SLC5A4: variants seen among roughly 807,000 people sequenced by gnomAD.
The protein encoded by SLC5A4 is solute carrier family 5 member 4.
SLC5A4 carries 55 observed loss-of-function variants against 70.3 expected under a neutral mutation model. That is an observed-to-expected ratio of 0.78 (90% confidence interval 0.63 to 0.98). The LOEUF is 0.98. SLC5A4 is among the 50% of genes least tolerant of loss of function. The pLI, the probability that SLC5A4 is intolerant of heterozygous loss-of-function variation, is 0.00. For missense variants in SLC5A4, 735 were observed against 839.2 expected (o/e 0.88, Z 1.53); for synonymous variants, 268 against 305.7 (o/e 0.88, Z 1.29).
rs2235171 is a variant in SLC5A4 at position 32,254,213 on chromosome 22, C to T, written c.136G>A (p.Ala46Thr). 71,976 of 1,611,960 alleles carry T rather than the reference C, an allele frequency of 0.045. 2,331 individuals are homozygous for T. Among genetic ancestry groups the T allele is most frequent in the African/African-American group, 0.17 (12,475 of 74,890 alleles). Reference sequence around the variant, plus strand: ...GTACCTCGGTTGGTCTTCAGCATCGCCTGAGCAGAAGGGAAGACAGGTGAG... The same window carrying T: ...GTACCTCGGTTGGTCTTCAGCATCGTCTGAGCAGAAGGGAAGACAGGTGAG... ...FLVVMAVGLWAMLKTNRGTIG... is the reference protein window; with the variant it reads ...FLVVMAVGLWTMLKTNRGTIG... The change falls in exon 2 of 15, where the codon GCG becomes ACG. Residue 46 changes from alanine to threonine, a missense_variant and splice_region_variant. Ala to Thr is a moderately conservative substitution (Grantham distance 58, BLOSUM62 0). Transcript: ENST00000266086.
chr22:32,279,295 A>G, the SLC5A4 span, among the ~76,000 whole-genome samples: 3 of 152,226 alleles, frequency 2.0e-5, no homozygotes, highest in Non-Finnish European at 4.4e-5. Flanking sequence ...AAACAAAAAC[A>G]AACAACCAAA....
At chr22:32,272,553 C>G in the SLC5A4 span, 1 of 654,232 alleles carries the variant, frequency 1.5e-6, no homozygotes, top group Non-Finnish European at 2.8e-6. Flanking sequence ...TGCCAAGACC[C>G]TGGAGGTGTA....
In SLC5A4 at chr22:32,254,195, G is replaced by A. The variant is rs180913180; in HGVS notation, c.154C>T (p.Arg52Ter). 12 of 1,613,852 alleles carry A rather than the reference G, an allele frequency of 7.4e-6. No homozygotes were observed. The highest frequency in any genetic ancestry group is 1.6e-4 in the Middle Eastern group (1 of 6,062). ...AGGAAGAAGCCTCCTATAGTACCTC[G>A]GTTGGTCTTCAGCATCGCCTGAGCA... The part of the protein sequence containing the change: ...VGLWAMLKTN[R>*]GTIGGFFLAG... Residue 52 changes from arginine to a stop codon, truncating the protein, a stop_gained, in exon 2 of 15, where the codon CGA becomes TGA. Transcript: ENST00000266086. LOFTEE classifies it high-confidence loss of function.
At chr22:32,224,137 G>C in intron 13 of SLC5A4, 130 bp downstream of exon 13, 1 of 670,412 alleles carries the variant, frequency 1.5e-6, no homozygotes, top group South Asian at 1.8e-5. Context: ...AACCAGGATG[G>C]TCTCCATCTC....
chr22:32,237,263 A>T lies in SLC5A4; in HGVS notation c.645T>A (p.Ser215=), dbSNP rs1164832425. 6.2e-7 allele frequency: 1 copy of T among 1,609,714 alleles called. No individual in the cohort carries two copies. Residue 215 remains serine, a synonymous_variant, in exon 7 of 15, where the codon TCT becomes TCA. Coordinates refer to ENST00000266086, the MANE Select transcript of SLC5A4 (RefSeq NM_014227.3). ...ACTTACCAAACCCCATGAGAATAAA[A>T]GAGCCAATCAGCATGATGATGGTCT... ...TLQTIIMLIG[S]FILMGFAFNE... is the part of the protein sequence containing the mutation.
chr22:32,277,461 G>C, the SLC5A4 span, among the ~76,000 whole-genome samples: 1 of 152,122 alleles, frequency 6.6e-6, no homozygotes, highest in Non-Finnish European at 1.5e-5. Flanking sequence ...CACTAATAAA[G>C]GGGGAAAACT....
the SLC5A4 span, among the ~76,000 whole-genome samples, chr22:32,304,042 CAT>C: frequency 1.3e-5 from 2 of 152,200 alleles, no homozygotes; most frequent in South Asian, 4.1e-4. Context: ...TTTCTGATGA[CAT>C]ATGAGATGGA....
chr22:32,298,166 A>G, the SLC5A4 span, among the ~76,000 whole-genome samples: 5 of 147,648 alleles, frequency 3.4e-5, no homozygotes, highest in Non-Finnish European at 6.0e-5. Context: ...GATGTCTGCT[A>G]GGTCCGCTTG....
the SLC5A4 span, among the ~76,000 whole-genome samples, chr22:32,290,700 A>C: frequency 3.0e-4 from 46 of 152,172 alleles, 2 homozygotes; most frequent in South Asian, 7.7e-3. Context: ...GGGTGTGCAG[A>C]AGACTCGCTC....
At chr22:32,283,975 G>T in the SLC5A4 span, among the ~76,000 whole-genome samples, 1 of 152,138 alleles carries the variant, frequency 6.6e-6, no homozygotes, top group South Asian at 2.1e-4. Flanking sequence ...TTTTTACAAA[G>T]AATTGTCAAA....
chr22:32,230,298 A>C (rs1309281352), intron 10 of SLC5A4, among the ~76,000 whole-genome samples: 1 of 152,200 alleles, frequency 6.6e-6, no homozygotes, highest in African/African-American at 2.4e-5. Context: ...CACCTGGTCA[A>C]GTCCTGAGCT....
the SLC5A4 span, chr22:32,272,683 T>C: frequency 1.8e-6 from 1 of 544,322 alleles, no homozygotes; most frequent in African/African-American, 1.9e-5. Context: ...GGCATGTGCC[T>C]GCTGCGCTGG....
At chr22:32,327,964 T>C in the SLC5A4 span, among the ~76,000 whole-genome samples, 1 of 152,162 alleles carries the variant, frequency 6.6e-6, no homozygotes, top group Non-Finnish European at 1.5e-5. Flanking sequence ...CCAGCCTGAA[T>C]TGGGCCCAGC....
the SLC5A4 span, among the ~76,000 whole-genome samples, chr22:32,289,386 T>C: frequency 9.2e-5 from 14 of 152,200 alleles, no homozygotes; most frequent in Admixed American, 2.6e-4. Context: ...GTGGAGATAA[T>C]TGAATCATGG....
chr22:32,272,559 G>C, the SLC5A4 span: 11 of 645,046 alleles, frequency 1.7e-5, no homozygotes, highest in Non-Finnish European at 2.6e-5. Context: ...GACCCTGGAG[G>C]TGTACAGCGT....
intron 1 of SLC5A4, 67 bp from the exon 2 acceptor site, chr22:32,254,280 T>G: frequency 8.4e-7 from 1 of 1,194,680 alleles, no homozygotes; most frequent in Non-Finnish European, 1.3e-6. Context: ...CCAGAGGCTC[T>G]GGCCAGGGTG....
At chr22:32,260,368 C>T in the SLC5A4 span, among the ~76,000 whole-genome samples, 1 of 152,088 alleles carries the variant, frequency 6.6e-6, no homozygotes, top group Admixed American at 6.5e-5. Flanking sequence ...CAGCCGTCAC[C>T]TCTTATCACT....
the SLC5A4 span, among the ~76,000 whole-genome samples, chr22:32,310,534 C>T: frequency 6.6e-6 from 1 of 151,160 alleles, no homozygotes; most frequent in Non-Finnish European, 1.5e-5. Context: ...TGGGATTGCT[C>T]ATGTCAGGGG....
At chr22:32,294,390 A>T in the SLC5A4 span, among the ~76,000 whole-genome samples, 1 of 112,526 alleles carries the variant, frequency 8.9e-6, no homozygotes, top group Admixed American at 9.3e-5. Context: ...AATTGTGAGA[A>T]GTAGTACAGA....
Sources: allele counts gnomAD v4.1 joint callset (sites outside exome capture counted in the v4.1 genomes callset), GRCh38; gene constraint gnomAD v4.1.1; transcripts MANE v1.5; gene names NCBI Gene and HGNC (gene_info 2026-07-23, HGNC 2026-07-21).